Variants in HS6ST3 observed in about 807,000 individuals in gnomAD.
HS6ST3 encodes the protein heparan sulfate 6-O-sulfotransferase 3.
HS6ST3 carries 12 observed loss-of-function variants against 36.7 expected under a neutral mutation model. The observed-to-expected ratio is 0.33, with a 90% CI of 0.21 to 0.53. The LOEUF is 0.53. Ranked by LOEUF, HS6ST3 falls within the 20% of genes least tolerant of loss-of-function variation. HS6ST3 has a pLI of 0.95. For synonymous variants in HS6ST3, 240 were observed against 257.5 expected (o/e 0.93, Z 0.65); for missense variants, 584 against 640.9 (o/e 0.91, Z 0.96).
chr13:96,559,730 T>G (rs1295115291), intron 1 of HS6ST3, among the ~76,000 whole-genome samples: 1 of 152,166 alleles, frequency 6.6e-6, no homozygotes, highest in African/African-American at 2.4e-5. Context: ...ATTCTTTTTT[T>G]TTTTTCTTAA....
At chr13:96,472,492 C>G (rs1330188702) in intron 1 of HS6ST3, among the ~76,000 whole-genome samples, 1 of 152,188 alleles carries the variant, frequency 6.6e-6, no homozygotes, top group African/African-American at 2.4e-5. Context: ...CAAGAAAAGA[C>G]TTCTTCCTGG....
chr13:96,342,464 C>T (rs77850284), intron 1 of HS6ST3, among the ~76,000 whole-genome samples: 2,182 of 152,250 alleles, frequency 0.014, 26 homozygotes, highest in East Asian at 0.054. Flanking sequence ...CCCGAAGCAT[C>T]GCCCTTGTAG....
At chr13:96,210,968 G>C (rs1045914647) in intron 1 of HS6ST3, among the ~76,000 whole-genome samples, 14 of 150,586 alleles carry the variant, frequency 9.3e-5, no homozygotes, top group African/African-American at 2.9e-4. Flanking sequence ...GTCTCACTCT[G>C]TTGCCCAGGC....
At chr13:96,808,214 AC>A (rs1037227643) in intron 1 of HS6ST3, among the ~76,000 whole-genome samples, 6 of 152,210 alleles carry the variant, frequency 3.9e-5, no homozygotes, top group Admixed American at 3.3e-4. Context: ...ATGAAAAAGT[AC>A]TTTTGTCAGT....
chr13:96,704,325 C>T (rs958791646), intron 1 of HS6ST3, among the ~76,000 whole-genome samples: 5 of 152,154 alleles, frequency 3.3e-5, no homozygotes, highest in African/African-American at 4.8e-5. Flanking sequence ...TGGTTCTCCA[C>T]ATACAATATG....
intron 1 of HS6ST3, among the ~76,000 whole-genome samples, chr13:96,287,974 G>C (rs1018322418): frequency 6.6e-6 from 1 of 152,180 alleles, no homozygotes; most frequent in African/African-American, 2.4e-5. Context: ...TAGCAAGTTT[G>C]AAGCTTTGTA....
At chr13:96,153,523 T>C (rs1040197106) in intron 1 of HS6ST3, among the ~76,000 whole-genome samples, 1 of 151,482 alleles carries the variant, frequency 6.6e-6, no homozygotes, top group Non-Finnish European at 1.5e-5. Flanking sequence ...AAAGGTTAGG[T>C]TGTAGCTCCT....
intron 1 of HS6ST3, among the ~76,000 whole-genome samples, chr13:96,271,431 G>A (rs1025308594): frequency 6.6e-6 from 1 of 151,896 alleles, no homozygotes; most frequent in South Asian, 2.1e-4. Context: ...GTAGGAGCTG[G>A]CTCCAGCACA....
chr13:96,338,314 C>A (rs79667128), intron 1 of HS6ST3, among the ~76,000 whole-genome samples: 1 of 152,136 alleles, frequency 6.6e-6, no homozygotes, highest in South Asian at 2.1e-4. Context: ...CTCAGTGCAC[C>A]GGGGAAAGGT....
At chr13:96,635,984 T>C (rs2056548340) in intron 1 of HS6ST3, among the ~76,000 whole-genome samples, 1 of 152,166 alleles carries the variant, frequency 6.6e-6, no homozygotes, top group African/African-American at 2.4e-5. Flanking sequence ...CCTTCAGCTC[T>C]TTTCTTCACT....
chr13:96,230,421 T>TG (rs1213753601), intron 1 of HS6ST3, among the ~76,000 whole-genome samples: 8 of 151,930 alleles, frequency 5.3e-5, no homozygotes, highest in Non-Finnish European at 1.2e-4. Context: ...AAAGGTAAAT[T>TG]GAGTGTTTGG....
intron 1 of HS6ST3, among the ~76,000 whole-genome samples, chr13:96,729,702 A>G (rs1410768227): frequency 6.6e-6 from 1 of 152,066 alleles, no homozygotes; most frequent in African/African-American, 2.4e-5. Context: ...CCTGGCCTCA[A>G]GTGATACCCG....
intron 1 of HS6ST3, among the ~76,000 whole-genome samples, chr13:96,216,306 C>A (rs1006366109): frequency 7.9e-5 from 12 of 152,156 alleles, no homozygotes; most frequent in African/African-American, 2.2e-4. Flanking sequence ...CTTTCCCATG[C>A]TGTAAATAGT....
intron 1 of HS6ST3, among the ~76,000 whole-genome samples, chr13:96,579,914 G>A (rs534539760): frequency 2.2e-4 from 33 of 152,080 alleles, no homozygotes; most frequent in African/African-American, 7.0e-4. Context: ...GTCATGTGCT[G>A]GATAATGAAC....
rs141578480 is a variant in HS6ST3 at position 96,091,276 on chromosome 13, G to A, written c.414G>A (p.Val138=). 218 of 1,612,866 alleles carry A rather than the reference G, an allele frequency of 1.4e-4. 1 individual carries two copies. The African/African-American group carries it at 2.5e-3, about 19-fold the overall frequency. Residue 138 remains valine, a synonymous_variant, in exon 1 of 2, where the codon GTG becomes GTA. Transcript: ENST00000376705. The part of the protein sequence containing the change: ...NFSLKDLTRF[V]DFNIKGRDVI... ...GCCTGAAGGACCTGACCCGCTTCGT[G>A]GATTTCAACATCAAAGGGCGCGACG... is the stretch of plus-strand genomic sequence containing the variant.
chr13:96,468,131 C>T (rs1326428499), intron 1 of HS6ST3, among the ~76,000 whole-genome samples: 1 of 152,158 alleles, frequency 6.6e-6, no homozygotes, highest in Non-Finnish European at 1.5e-5. Context: ...TTATTGTTGA[C>T]TTTTCCAAGC....
At chr13:96,454,602 C>T (rs1170887822) in intron 1 of HS6ST3, among the ~76,000 whole-genome samples, 1 of 151,812 alleles carries the variant, frequency 6.6e-6, no homozygotes, top group Non-Finnish European at 1.5e-5. Flanking sequence ...AGGGCGTTTG[C>T]TAAAGGAGCA....
intron 1 of HS6ST3, among the ~76,000 whole-genome samples, chr13:96,614,098 A>C (rs1374151259): frequency 6.6e-6 from 1 of 151,922 alleles, no homozygotes; most frequent in Non-Finnish European, 1.5e-5. Flanking sequence ...GGAGATGGAG[A>C]CCATCCTGGC....
chr13:96,562,874 T>C (rs983887766), intron 1 of HS6ST3, among the ~76,000 whole-genome samples: 6 of 151,978 alleles, frequency 3.9e-5, no homozygotes, highest in Non-Finnish European at 8.8e-5. Context: ...AGAGGTGCTT[T>C]CTTTGTGGCT....
Sources: allele counts gnomAD v4.1 joint callset (sites outside exome capture counted in the v4.1 genomes callset), GRCh38; gene constraint gnomAD v4.1.1; transcripts MANE v1.5; gene names NCBI Gene and HGNC (gene_info 2026-07-23, HGNC 2026-07-21).